RBM10: variants seen among roughly 807,000 people sequenced by gnomAD.
RBM10 encodes RNA-binding protein 10.
A neutral mutation model predicts 84.9 loss-of-function variants in RBM10; 1 was observed. The observed-to-expected ratio is 0.01, with a 90% confidence interval of 0.00 to 0.06. The LOEUF is 0.06. RBM10 is among the 10% of genes least tolerant of loss of function. The pLI is 1.00. For synonymous variants in RBM10, 326 were observed against 344.5 expected, an observed-to-expected ratio of 0.95 and a Z score of 0.60; for missense variants, 438 against 839.0, an observed-to-expected ratio of 0.52 and a Z score of 5.90.
At chrX:47,174,877 CCTCTTT>C in intron 5 of RBM10, 136 bp from the exon 6 acceptor site, 1 of 408,137 alleles carries the variant, frequency 2.5e-6, no homozygotes, top group Non-Finnish European at 4.5e-6. Flanking sequence ...TCTCTGATTG[CCTCTTT>C]CTCTTTCTTC....
intron 1 of RBM10, among the ~76,000 whole-genome samples, chrX:47,146,512 G>A (rs895167356): frequency 5.4e-5 from 6 of 111,482 alleles, no homozygotes; most frequent in African/African-American, 2.0e-4. Context: ...TGAAGATCTG[G>A]GATTCATCCT....
intron 3 of RBM10, 116 bp downstream of exon 3, chrX:47,169,614 C>A: frequency 1.2e-6 from 1 of 800,732 alleles, no homozygotes; most frequent in Non-Finnish European, 1.8e-6. Context: ...TCAGACTGTG[C>A]TCGGTGGCTT....
chrX:47,151,080 G>A (rs1556763538), intron 2 of RBM10, among the ~76,000 whole-genome samples: 1 of 98,745 alleles, frequency 1.0e-5, no homozygotes, highest in Admixed American at 1.2e-4. Flanking sequence ...TTTTTTTCTC[G>A]AGACTTGGTC....
chrX:47,184,188 G>A (rs917188194), intron 17 of RBM10, among the ~76,000 whole-genome samples: 13 of 111,427 alleles, frequency 1.2e-4, no homozygotes, highest in Non-Finnish European at 2.5e-4. Context: ...GGAGTGCAAT[G>A]GTGCAATCTC....
At chrX:47,186,235 C>T (rs1230401168) in intron 22 of RBM10, 23 bp from the exon 23 acceptor site, 14 of 1,209,275 alleles carry the variant, frequency 1.2e-5, no homozygotes, top group African/African-American at 1.7e-5. Flanking sequence ...GCCGACCACT[C>T]ATGCTGTGCA....
rs782146803 is a variant in RBM10 at position 47,186,265 on chromosome X, G to A, written c.2545G>A (p.Glu849Lys). The A allele has an allele frequency of 1.7e-6, 2 of 1,209,159 alleles. No individual in the cohort carries two copies. The highest frequency in any genetic ancestry group is 1.7e-5 in the African/African-American group (1 of 57,730). Residue 849 changes from glutamate (E) to lysine (K), a missense_variant, in exon 23 of 24, where the codon GAG becomes AAG. Glu to Lys is a moderately conservative substitution (Grantham distance 56). This residue lies in a region of RBM10 where 92 missense variants were observed against 199.9 expected (regional missense o/e 0.46). Coordinates refer to ENST00000377604, the MANE Select transcript of RBM10 (RefSeq NM_005676.5). ...GGISTASVDF[E>K]QPTRDGLGSD... The stretch of plus-strand genomic sequence containing the variant: ...TGTGCACCGCCCCTGCAGAGACTTC[G>A]AGCAGCCTACTCGGGACGGGCTGGG...
intron 2 of RBM10, among the ~76,000 whole-genome samples, chrX:47,148,488 T>C (rs782722712): frequency 9.0e-6 from 1 of 111,582 alleles, no homozygotes; most frequent in African/African-American, 3.2e-5. Flanking sequence ...GGTAGGTTTC[T>C]GTCATAGGTC....
At chrX:47,163,929 C>T (rs1180143322) in intron 2 of RBM10, among the ~76,000 whole-genome samples, 6 of 85,004 alleles carry the variant, frequency 7.1e-5, no homozygotes, top group Non-Finnish European at 1.3e-4. Context: ...AGTGCAGTGG[C>T]GCGATCTCTG....
chrX:47,157,550 C>A (rs1264093420), intron 2 of RBM10: 1 of 433,665 alleles, frequency 2.3e-6, no homozygotes, highest in Non-Finnish European at 4.2e-6. Flanking sequence ...TCTCAATCTT[C>A]CAGATGAGTT....
intron 17 of RBM10, among the ~76,000 whole-genome samples, chrX:47,184,750 C>T (rs1179059705): frequency 9.0e-6 from 1 of 111,329 alleles, no homozygotes; most frequent in Non-Finnish European, 1.9e-5. Flanking sequence ...AGCCAGGTGC[C>T]AAGTGCCTTG....
chrX:47,168,481 G>A (rs1374578189), intron 2 of RBM10, among the ~76,000 whole-genome samples: 1 of 111,324 alleles, frequency 9.0e-6, no homozygotes, highest in African/African-American at 3.3e-5. Flanking sequence ...TTGGGAGGTT[G>A]AGGCTGCAGT....
At chrX:47,159,679 A>G (rs1556766230) in intron 2 of RBM10, among the ~76,000 whole-genome samples, 1 of 111,542 alleles carries the variant, frequency 9.0e-6, no homozygotes, top group East Asian at 2.8e-4. Context: ...ACCCGCACAC[A>G]TAGAACCATC....
chrX:47,179,884 C>A lies in RBM10; in HGVS notation c.906C>A (p.Ile302=). ...ACATTGGGCCCCTTCCCACAGCCATCATTTTGCGCAACCTGAACCCACACA... is the reference window on the plus strand; with the variant it reads ...ACATTGGGCCCCTTCCCACAGCCATAATTTTGCGCAACCTGAACCCACACA... ...EPSSENANDT[I]ILRNLNPHST... The change falls in exon 10 of 24, where the codon ATC becomes ATA. Residue 302 remains isoleucine, a synonymous_variant. Transcript: ENST00000377604. The A allele has an allele frequency of 8.3e-7, 1 of 1,206,326 alleles. No individual in the cohort carries two copies. The highest frequency in any genetic ancestry group is 3.0e-5 in the East Asian group (1 of 33,578).
intron 2 of RBM10, among the ~76,000 whole-genome samples, chrX:47,154,678 G>A (rs782467715): frequency 1.7e-4 from 18 of 108,859 alleles, no homozygotes; most frequent in Admixed American, 1.2e-3. Flanking sequence ...CTCGAACTCC[G>A]TACCTCAGGT....
At chrX:47,184,646 G>A (rs1935772776) in intron 17 of RBM10, among the ~76,000 whole-genome samples, 2 of 109,577 alleles carry the variant, frequency 1.8e-5, no homozygotes, top group South Asian at 7.8e-4. Context: ...TCCCAGATGG[G>A]CCCGCCACTC....
chrX:47,171,896 A>G (rs1017859433), intron 4 of RBM10, among the ~76,000 whole-genome samples: 1 of 109,852 alleles, frequency 9.1e-6, no homozygotes, highest in Admixed American at 9.7e-5. Flanking sequence ...GCCGCCCCTC[A>G]CCCCCTACCC....
At chrX:47,147,272 G>A (rs1932341940) in intron 1 of RBM10, 85 bp from the exon 2 acceptor site, 5 of 959,138 alleles carry the variant, frequency 5.2e-6, no homozygotes, top group East Asian at 3.4e-5. Context: ...AAGGGGCAGC[G>A]GAGAGCCTTG....
intron 5 of RBM10, among the ~76,000 whole-genome samples, chrX:47,173,459 C>T (rs1342163013): frequency 8.9e-6 from 1 of 112,434 alleles, no homozygotes; most frequent in East Asian, 2.8e-4. Context: ...GGGCCAGGGC[C>T]AGGCTCCCAG....
intron 2 of RBM10, among the ~76,000 whole-genome samples, chrX:47,152,520 C>A (rs1556763931): frequency 2.1e-5 from 2 of 94,501 alleles, no homozygotes; most frequent in Non-Finnish European, 4.1e-5. Flanking sequence ...GATCTTGGCT[C>A]ACTGCAACCT....
Sources: gnomAD v4.1 joint callset for allele counts (sites outside exome capture counted in the v4.1 genomes callset) on GRCh38, gnomAD v4.1.1 for gene constraint, gnomAD v4.1.1 regional missense constraint, MANE v1.5 for transcripts, NCBI Gene and HGNC (gene_info 2026-07-23, HGNC 2026-07-21) for gene names.